Variants in ACOXL observed in about 807,000 individuals in gnomAD.
ACOXL encodes acyl-coenzyme A oxidase-like protein.
ACOXL carries 70 observed loss-of-function variants against 71.9 expected under a neutral mutation model. The ratio of observed to expected loss-of-function variants is 0.97; its 90% CI spans 0.80 to 1.19. The LOEUF is 1.19. ACOXL is among the 50% of genes most tolerant of loss of function. The pLI is 0.00. For missense variants in ACOXL, 703 were observed against 736.3 expected, an observed-to-expected ratio of 0.95 and a Z score of 0.52; for synonymous variants, 253 against 281.6, an observed-to-expected ratio of 0.90 and a Z score of 1.02.
At chr2:110,802,036 A>G (rs557033738) in intron 8 of ACOXL, among the ~76,000 whole-genome samples, 3 of 152,332 alleles carry the variant, frequency 2.0e-5, no homozygotes, top group Non-Finnish European at 2.9e-5. Context: ...ATCCACTTCT[A>G]GATTCTATGT....
chr2:110,837,108 T>C (rs1296668936), intron 9 of ACOXL, among the ~76,000 whole-genome samples: 1 of 152,236 alleles, frequency 6.6e-6, no homozygotes, highest in African/African-American at 2.4e-5. Flanking sequence ...TCCTAGGTCA[T>C]GGCCCCTCCA....
chr2:111,050,850 A>C (rs1243634185), intron 16 of ACOXL, among the ~76,000 whole-genome samples: 1 of 152,130 alleles, frequency 6.6e-6, no homozygotes, highest in Non-Finnish European at 1.5e-5. Context: ...AGAGGTGAAA[A>C]GAGATGTAAC....
At chr2:110,920,098 A>T (rs943394095) in intron 11 of ACOXL, among the ~76,000 whole-genome samples, 5 of 152,218 alleles carry the variant, frequency 3.3e-5, no homozygotes, top group African/African-American at 4.8e-5. Context: ...TAGGACTGGT[A>T]GGTCAAGTGG....
intron 10 of ACOXL, among the ~76,000 whole-genome samples, chr2:110,859,510 T>A (rs1693680714): frequency 6.6e-6 from 1 of 152,182 alleles, no homozygotes; most frequent in African/African-American, 2.4e-5. Context: ...GGGCAAGCTC[T>A]GGCAAGAGCA....
chr2:111,002,841 C>T (rs1264710273), intron 14 of ACOXL, among the ~76,000 whole-genome samples: 1 of 152,040 alleles, frequency 6.6e-6, no homozygotes, highest in Non-Finnish European at 1.5e-5. Flanking sequence ...GGAATATTTG[C>T]GTTATACTTG....
At chr2:111,075,176 T>G (rs1379969176) in intron 16 of ACOXL, among the ~76,000 whole-genome samples, 2 of 152,218 alleles carry the variant, frequency 1.3e-5, no homozygotes, top group African/African-American at 4.8e-5. Context: ...TTATTTTTTA[T>G]GTAAATATTG....
At chr2:110,880,814 A>G (rs12472162) in intron 10 of ACOXL, among the ~76,000 whole-genome samples, 1,999 of 152,256 alleles carry the variant, frequency 0.013, 142 homozygotes, top group Admixed American at 0.1. Flanking sequence ...CCCTGTCTCA[A>G]TGATAACAAC....
chr2:111,026,310 G>A (rs2065014568), intron 14 of ACOXL, among the ~76,000 whole-genome samples: 1 of 151,960 alleles, frequency 6.6e-6, no homozygotes, highest in Admixed American at 6.6e-5. Flanking sequence ...ACAAAATAAG[G>A]TCTGCTGGCA....
At position 110,804,630 on chromosome 2, in the gene ACOXL, C is replaced by CTATTCAACCATGAAATAG. The variant is rs1480388012; in HGVS notation, c.621-633_621-632insTATTCAACCATGAAATAG. Among the ~76,000 whole-genome samples the CTATTCAACCATGAAATAG allele has an allele frequency of 2.2e-3, 341 of 152,296 alleles. 1 individual carries two copies. Among genetic ancestry groups the CTATTCAACCATGAAATAG allele is most frequent in the African/African-American group, 7.6e-3 (318 of 41,570 alleles). On this transcript the variant is annotated intron_variant, in intron 8 of 17. Transcript: ENST00000439055. ...GGAAATAAAATGTGGTATATCCATA[C>CTATTCAACCATGAAATAG]AATGGAATACTATTCAACCATGAAA... is the stretch of plus-strand genomic sequence containing the variant.
intron 17 of ACOXL, chr2:111,100,957 T>TC (rs2069113770): frequency 6.6e-6 from 1 of 152,660 alleles, no homozygotes; most frequent in South Asian, 2.1e-4. Flanking sequence ...TTCAGTTCAG[T>TC]CAATCAAACC....
Position 110,847,402 on chromosome 2 carries a change from G to A in ACOXL, c.788+5997G>A, listed in dbSNP as rs990283823. On this transcript the variant is annotated intron_variant, in intron 10 of 17. Transcript: ENST00000439055. Reference sequence around the variant, plus strand: ...ACTAATGCGTGGAATCTGTGCACATGTCACTTATGCTTGTATTTCTAAGAA... The same window carrying A: ...ACTAATGCGTGGAATCTGTGCACATATCACTTATGCTTGTATTTCTAAGAA... 2.6e-5 allele frequency among the ~76,000 whole-genome samples: 4 copies of A among 152,296 alleles called. No homozygotes were observed. In the South Asian group the frequency reaches 8.3e-4, roughly 32 times the overall value.
chr2:110,842,669 G>A lies in ACOXL; in HGVS notation c.788+1264G>A, dbSNP rs1484296429. ...GGGACTTAACAAACTTAGCCTGTTT[G>A]TTCAGATTCTGTGGTCCTGTGTCTT... On this transcript the variant is annotated intron_variant, in intron 10 of 17. Coordinates refer to ENST00000439055, the MANE Select transcript of ACOXL (RefSeq NM_001142807.4). Among the ~76,000 whole-genome samples the A allele has an allele frequency of 2.6e-5, 4 of 152,092 alleles. No individual in the cohort carries two copies. In the East Asian group the frequency reaches 7.7e-4, roughly 29 times the overall value.
intron 12 of ACOXL, among the ~76,000 whole-genome samples, chr2:110,944,533 GTTCCCTTCT>G (rs750122944): frequency 1.3e-5 from 2 of 152,054 alleles, no homozygotes; most frequent in Non-Finnish European, 2.9e-5. Context: ...AGTGTCTGTT[GTTCCCTTCT>G]TTGTGTCTGT....
chr2:111,046,576 C>A (rs1172286476), intron 15 of ACOXL, among the ~76,000 whole-genome samples: 2 of 152,082 alleles, frequency 1.3e-5, no homozygotes, highest in East Asian at 3.8e-4. Flanking sequence ...AAGTGCCGAG[C>A]AAAAGGGGGA....
intron 1 of ACOXL, among the ~76,000 whole-genome samples, chr2:110,755,907 A>T (rs965714581): frequency 3.4e-5 from 5 of 144,998 alleles, no homozygotes; most frequent in African/African-American, 7.4e-5. Flanking sequence ...TAAAGAAATT[A>T]AAAAAAATAC....
chr2:110,920,961 G>C (rs186375982), intron 11 of ACOXL, among the ~76,000 whole-genome samples: 191 of 152,098 alleles, frequency 1.3e-3, no homozygotes, highest in African/African-American at 4.5e-3. Flanking sequence ...CTAATATGTA[G>C]GAATACTATT....
At chr2:110,759,263 A>C (rs774630636) in intron 1 of ACOXL, among the ~76,000 whole-genome samples, 1 of 152,064 alleles carries the variant, frequency 6.6e-6, no homozygotes, top group Admixed American at 6.5e-5. Flanking sequence ...TTTGTCTACT[A>C]TTGTCAGTGG....
chr2:110,887,083 G>A, intron 10 of ACOXL: 1 of 448,996 alleles, frequency 2.2e-6, no homozygotes, highest in Non-Finnish European at 3.9e-6. Flanking sequence ...CAGATGGCCT[G>A]TCTCTGCCTG....
At chr2:111,077,866 T>C (rs1030036464) in intron 16 of ACOXL, among the ~76,000 whole-genome samples, 1 of 152,222 alleles carries the variant, frequency 6.6e-6, no homozygotes, top group Admixed American at 6.5e-5. Flanking sequence ...TTCCAGATGT[T>C]TGATTATGAT....
Sources: gnomAD v4.1 joint callset for allele counts (sites outside exome capture counted in the v4.1 genomes callset) on GRCh38, gnomAD v4.1.1 for gene constraint, MANE v1.5 for transcripts, NCBI Gene and HGNC (gene_info 2026-07-23, HGNC 2026-07-21) for gene names.